MYOF: variants seen among roughly 807,000 people sequenced by gnomAD.
MYOF encodes fer-1-like 3, myoferlin.
Under a neutral mutation model 284.2 loss-of-function variants are expected in MYOF, and 244 were observed. The observed-to-expected ratio is 0.86, with a 90% CI of 0.77 to 0.95. MYOF has a LOEUF of 0.95. Ranked by LOEUF, MYOF falls within the 40% of genes least tolerant of loss-of-function variation. The probability of loss-of-function intolerance (pLI) is 0.00; values close to 1 mark genes in which losing one functional copy is unlikely to be tolerated. For missense variants in MYOF, 2,496 were observed against 2,560.6 expected, an observed-to-expected ratio of 0.97 and a Z score of 0.54; for synonymous variants, 904 against 919.7, an observed-to-expected ratio of 0.98 and a Z score of 0.31.
At chr10:93,397,839 T>A (rs920272857) in intron 13 of MYOF, among the ~76,000 whole-genome samples, 2 of 152,008 alleles carry the variant, frequency 1.3e-5, no homozygotes, top group African/African-American at 4.8e-5. Context: ...TACCCCAAAC[T>A]GACTCTTGTT....
In MYOF at chr10:93,337,860, A is replaced by C. The variant is rs1843689486; in HGVS notation, c.4392T>G (p.His1464Gln). ...TCTGAATATACTGTCCGCATTTTTC[A>C]TGTTCCCCTGAGGAAGCATAAAATT... Reference protein sequence around the residue: ...WSKFYASSGEHEKCGQYIQKG... With the variant: ...WSKFYASSGEQEKCGQYIQKG... The change falls in exon 40 of 54, where the codon CAT (histidine) becomes CAG (glutamine). Residue 1464 changes from histidine (H) to glutamine (Q), a missense_variant. Physicochemically the swap from His to Gln is conservative, Grantham distance 24. Around this residue, in one of 3 missense-constraint regions of MYOF, gnomAD observed 2,436 missense variants for 2,480.7 expected, o/e 0.98. Transcript: ENST00000359263. 6.2e-7 allele frequency: 1 copy of C among 1,613,968 alleles called. No individual in the cohort carries two copies. The highest frequency in any genetic ancestry group is 1.3e-5 in the African/African-American group (1 of 74,882).
Position 93,355,676 on chromosome 10 carries a change from T to C in MYOF, c.3355A>G (p.Thr1119Ala). The C allele has an allele frequency of 6.2e-7, 1 of 1,613,396 alleles. No homozygotes were observed. Among genetic ancestry groups the C allele is most frequent in the African/African-American group, 1.3e-5 (1 of 75,054 alleles). Reference sequence around the variant, plus strand: ...GGGGTGTTTGCTCCGAACACAGTGGTGGCACTGTGCTTCTGTTTCTCCAGG... The same window carrying C: ...GGGGTGTTTGCTCCGAACACAGTGGCGGCACTGTGCTTCTGTTTCTCCAGG... ...KSLEKQKHSA[T>A]TVFGANTPIV... Residue 1119 changes from threonine (T) to alanine (A), a missense_variant, in exon 31 of 54, where the codon ACC (threonine) becomes GCC (alanine). Physicochemically the swap from Thr to Ala is moderately conservative, Grantham distance 58. Transcript: ENST00000359263.
chr10:93,333,309 C>T lies in MYOF; in HGVS notation c.4723G>A (p.Asp1575Asn), dbSNP rs764941052. The change falls in exon 43 of 54, where the codon GAC becomes AAC. Residue 1575 changes from aspartate to asparagine, a missense_variant. This residue lies in a region of MYOF where 2,436 missense variants were observed against 2,480.7 expected (regional missense o/e 0.98). Transcript: ENST00000359263. ...LQPQDNNGLCDPYIKITLGKK... is the reference protein window; with the variant it reads ...LQPQDNNGLCNPYIKITLGKK... ...CCCAGTGTTATTTTTATGTAAGGGT[C>T]ACACTGTGGGACAAAATAGACGGGA... 1.1e-5 allele frequency: 18 copies of T among 1,613,382 alleles called. No homozygotes were observed. Among genetic ancestry groups the T allele is most frequent in the Non-Finnish European group, 1.7e-6 (2 of 1,179,350 alleles).
chr10:93,313,155 T>C lies in MYOF; in HGVS notation c.5754A>G (p.Lys1918=), dbSNP rs749230643. The C allele has an allele frequency of 6.2e-7, 1 of 1,614,074 alleles. No homozygotes were observed. The highest frequency in any genetic ancestry group is 1.1e-5 in the South Asian group (1 of 91,040). The change falls in exon 51 of 54, where the codon AAA becomes AAG. Residue 1918 remains lysine, a synonymous_variant. Transcript: ENST00000359263. ...HTIIPAKSPE[K]CRLDMIPDLK... is the part of the protein sequence containing the mutation. ...GGTCCGGAATCATGTCCAATCTGCA[T>C]TTCTCTGGTGATTTTGCAGGAATGA...
chr10:93,429,388 T>C (rs570782045), intron 4 of MYOF, among the ~76,000 whole-genome samples: 84 of 152,304 alleles, frequency 5.5e-4, no homozygotes, highest in Non-Finnish European at 9.7e-4. Flanking sequence ...GCCTCAGGTA[T>C]TCCTTTATAG....
At chr10:93,378,693 G>GTGTGTATATATATA in intron 21 of MYOF, among the ~76,000 whole-genome samples, 917 of 87,804 alleles carry the variant, frequency 0.01, 42 homozygotes, top group African/African-American at 0.039. Context: ...GTGTGTGTGT[G>GTGTGTATATATATA]TATATATATA....
At chr10:93,420,276 T>C (rs1479588658) in intron 5 of MYOF, among the ~76,000 whole-genome samples, 1 of 152,200 alleles carries the variant, frequency 6.6e-6, no homozygotes, top group Non-Finnish European at 1.5e-5. Flanking sequence ...TTAAAAATAG[T>C]TTCTTCCAGC....
rs542365164 is a variant in MYOF at position 93,338,603 on chromosome 10, C to T, written c.4339-690G>A. 306 of 438,502 alleles carry T rather than the reference C, an allele frequency of 7.0e-4. 1 individual carries two copies. The highest frequency in any genetic ancestry group is 2.2e-3 in the Middle Eastern group (6 of 2,776). 27.2% of individuals were successfully genotyped at this position (438,502 alleles called of 1,614,324 possible). On this transcript the variant is annotated intron_variant, in intron 39 of 53. Transcript: ENST00000359263. The stretch of plus-strand genomic sequence containing the variant: ...AGAAAGAGCTTTGAAAATTATAAAA[C>T]GTGAAACGAAAGGCAGGAGGCATCA...
rs1164758181 is a variant in MYOF, at chr10:93,397,406, G to A, written c.1272C>T (p.Val424=). The A allele has an allele frequency of 5.6e-6, 9 of 1,611,224 alleles. No homozygotes were observed. The highest frequency in any genetic ancestry group is 2.7e-5 in the African/African-American group (2 of 74,424). Residue 424 remains valine, a synonymous_variant, in exon 14 of 54, where the codon GTC becomes GTT. Coordinates refer to ENST00000359263, the MANE Select transcript of MYOF (RefSeq NM_013451.4). ...GTCAAACCTTGATCTGAAGATTGAC[G>A]ACCTGATTCCACTCTGGGTTTGCAT... ...EKNANPEWNQ[V]VNLQIKFPSV...
At position 93,349,907 on chromosome 10, in the gene MYOF, A is replaced by G; in HGVS notation, c.3984T>C (p.Ser1328=). 6.2e-7 allele frequency: 1 copy of G among 1,614,116 alleles called. No homozygotes were observed. Among genetic ancestry groups the G allele is most frequent in the African/African-American group, 1.3e-5 (1 of 75,034 alleles). The change falls in exon 36 of 54, where the codon AGT becomes AGC. Residue 1328 remains serine, a synonymous_variant. Transcript: ENST00000359263. Reference sequence around the variant, plus strand: ...TTTCTCCTCCACACTCCACAACAAGACTGGGGGATGTGATAGAAGCCATCT... The same window carrying G: ...TTTCTCCTCCACACTCCACAACAAGGCTGGGGGATGTGATAGAAGCCATCT... ...NFQMASITSP[S]LVVECGGERV... is the part of the protein sequence containing the mutation.
At chr10:93,480,746 G>A (rs2057369580) in intron 1 of MYOF, among the ~76,000 whole-genome samples, 1 of 152,034 alleles carries the variant, frequency 6.6e-6, no homozygotes, top group Non-Finnish European at 1.5e-5. Context: ...AAAGTTCTGG[G>A]ATTACAGGCA....
chr10:93,385,549 G>A (rs770809052), intron 19 of MYOF, among the ~76,000 whole-genome samples: 3 of 152,222 alleles, frequency 2.0e-5, no homozygotes, highest in Non-Finnish European at 2.9e-5. Context: ...CATTCGTTAA[G>A]TCCTTCTGGC....
intron 4 of MYOF, among the ~76,000 whole-genome samples, chr10:93,427,693 C>T (rs1848659276): frequency 6.6e-6 from 1 of 151,858 alleles, no homozygotes; most frequent in African/African-American, 2.4e-5. Flanking sequence ...AATCTGTGAC[C>T]TCCGAAATGC....
intron 1 of MYOF, 99 bp downstream of exon 1, chr10:93,482,008 G>T: frequency 2.6e-6 from 3 of 1,134,262 alleles, no homozygotes; most frequent in East Asian, 4.9e-5. Context: ...GAGAGACTTG[G>T]CTTCATCAGC....
chr10:93,336,251 A>T (rs1190951494), intron 40 of MYOF, among the ~76,000 whole-genome samples: 1 of 152,192 alleles, frequency 6.6e-6, no homozygotes, highest in Non-Finnish European at 1.5e-5. Flanking sequence ...CTATTCTATG[A>T]TCTAGAGATT....
intron 20 of MYOF, among the ~76,000 whole-genome samples, chr10:93,380,836 C>G (rs1478756154): frequency 6.6e-6 from 1 of 152,208 alleles, no homozygotes; most frequent in Non-Finnish European, 1.5e-5. Flanking sequence ...TTCCCAGTAG[C>G]TGATCCAGAG....
intron 1 of MYOF, among the ~76,000 whole-genome samples, chr10:93,468,930 T>C (rs2057072970): frequency 6.6e-6 from 1 of 151,544 alleles, no homozygotes; most frequent in Non-Finnish European, 1.5e-5. Context: ...TATGAAGCAG[T>C]GGGAAAAAGC....
chr10:93,406,288 T>TTTTATATATATATATATATATATA lies in MYOF; in HGVS notation c.730-2070_730-2069insTATATATATATATATATATATAAA, dbSNP rs1271223936. On this transcript the variant is annotated intron_variant, in intron 7 of 53. Coordinates refer to ENST00000359263, the MANE Select transcript of MYOF (RefSeq NM_013451.4). ...TAGAAATTTTTTTAGTAAACCTCTT[T>TTTTATATATATATATATATATATA]TATATATATATATATATATATATAT... Among the ~76,000 whole-genome samples the TTTTATATATATATATATATATATA allele has an allele frequency of 5.8e-4, 34 of 58,142 alleles. 1 individual carries two copies. The highest frequency in any genetic ancestry group is 1.7e-3 in the Admixed American group (6 of 3,598). 38.1% of individuals were successfully genotyped at this position (58,142 alleles called of 152,430 possible).
chr10:93,389,999 G>A lies in MYOF; in HGVS notation c.1457-845C>T, dbSNP rs138121166. ...ATAAGGCAGAACTTTCTGTGAATTC[G>A]AAATGACAAACAATGGGACAGGCTG... On this transcript the variant is annotated intron_variant, in intron 17 of 53. Coordinates refer to ENST00000359263, the MANE Select transcript of MYOF (RefSeq NM_013451.4). Among the ~76,000 whole-genome samples the A allele has an allele frequency of 8.7e-3, 1,330 of 152,258 alleles. 13 individuals carry two copies. The highest frequency in any genetic ancestry group is 0.027 in the Middle Eastern group (8 of 294).
Sources: allele counts gnomAD v4.1 joint callset (sites outside exome capture counted in the v4.1 genomes callset), GRCh38; gene constraint gnomAD v4.1.1; regional missense constraint gnomAD v4.1.1; transcripts MANE v1.5; gene names NCBI Gene and HGNC (gene_info 2026-07-23, HGNC 2026-07-21).